Variants in OSBP observed in about 807,000 individuals in gnomAD.
OSBP encodes oxysterol binding protein, also known as oxysterol-binding protein 1.
Under a neutral mutation model 96.6 loss-of-function variants are expected in OSBP, and 32 were observed. The observed-to-expected ratio is 0.33, with a 90% CI of 0.25 to 0.45. The LOEUF is 0.45. Ranked by LOEUF, OSBP falls within the 20% of genes least tolerant of loss-of-function variation. OSBP has a pLI of 1.00. For missense variants in OSBP, 653 were observed against 1,029.7 expected (o/e 0.63, Z 5.01); for synonymous variants, 369 against 389.6 (o/e 0.95, Z 0.62).
Position 59,615,613 on chromosome 11 carries a change from C to A in OSBP, c.52G>T (p.Ala18Ser). The A allele has an allele frequency of 7.2e-7, 1 of 1,380,192 alleles. No homozygotes were observed. The highest frequency in any genetic ancestry group is 9.4e-7 in the Non-Finnish European group (1 of 1,065,350). The allele number at this position is 1,380,192 out of a possible 1,614,324, so 85.5% of individuals were successfully genotyped here. A position where few individuals can be genotyped will look rare whatever the true frequency, so the allele number is the denominator to read the frequency against. Residue 18 changes from alanine (A) to serine (S), a missense_variant, in exon 1 of 14, where the codon GCA becomes TCA. This residue lies in a region of OSBP where 151 missense variants were observed against 146.1 expected (regional missense o/e 1.03). Coordinates refer to ENST00000263847, the MANE Select transcript of OSBP (RefSeq NM_002556.3). ...CCGGCGCCGCCGCCGCCAAGTGCTG[C>A]AATGGCTGCCGGGCCTGGCCCCACC... ...GVVGPGPAAI[A>S]ALGGGGAGPP...
intron 1 of OSBP, among the ~76,000 whole-genome samples, chr11:59,613,276 T>G (rs1565122446): frequency 6.6e-6 from 1 of 152,190 alleles, no homozygotes; most frequent in Non-Finnish European, 1.5e-5. Flanking sequence ...AATATGTGGT[T>G]TGGTATGTTT....
rs1382203904 is a variant in OSBP, at chr11:59,608,659, C to T, written c.647G>A (p.Ser216Asn). The T allele has an allele frequency of 6.2e-7, 1 of 1,614,056 alleles. No homozygotes were observed. Among genetic ancestry groups the T allele is most frequent in the Non-Finnish European group, 8.5e-7 (1 of 1,179,904 alleles). Reference sequence around the variant, plus strand: ...GCACGTGCTCAAGTCCTCTACTTTGCTAGAGAGGGTCCGAAGGGTATTCTG... The same window carrying T: ...GCACGTGCTCAAGTCCTCTACTTTGTTAGAGAGGGTCCGAAGGGTATTCTG... ...ELQNTLRTLS[S>N]KVEDLSTCND... Residue 216 changes from serine (S) to asparagine (N), a missense_variant, in exon 3 of 14, where the codon AGC becomes AAC. By Grantham distance (46) the Ser-to-Asn change is conservative. Around this residue, in one of 6 missense-constraint regions of OSBP, gnomAD observed 308 missense variants for 573.1 expected, o/e 0.54. Transcript: ENST00000263847.
intron 3 of OSBP, among the ~76,000 whole-genome samples, chr11:59,605,544 G>C (rs918272754): frequency 1.3e-5 from 2 of 151,774 alleles, no homozygotes; most frequent in African/African-American, 4.8e-5. Context: ...ACCATGTCTG[G>C]CTAATTTTTT....
intron 6 of OSBP, 65 bp from the exon 7 acceptor site, chr11:59,600,692 C>A: frequency 6.3e-7 from 1 of 1,581,176 alleles, no homozygotes; most frequent in Non-Finnish European, 8.6e-7. Flanking sequence ...TTATAACCTT[C>A]CCTTCCCCCG....
intron 7 of OSBP, among the ~76,000 whole-genome samples, chr11:59,597,971 G>A (rs543812755): frequency 4.6e-5 from 7 of 152,006 alleles, no homozygotes; most frequent in East Asian, 1.9e-4. Context: ...CTCCCAAAGC[G>A]CTAGGATTAC....
At chr11:59,606,920 A>G (rs754074727) in intron 3 of OSBP, among the ~76,000 whole-genome samples, 1 of 152,228 alleles carries the variant, frequency 6.6e-6, no homozygotes, top group Non-Finnish European at 1.5e-5. Flanking sequence ...TAAAGAATGA[A>G]AACAGAACTC....
intron 10 of OSBP, 109 bp downstream of exon 10, chr11:59,581,342 A>C: frequency 1.9e-6 from 1 of 521,314 alleles, no homozygotes; most frequent in East Asian, 3.0e-5. Flanking sequence ...GAAACTGATG[A>C]ATCAGTAGCA....
intron 7 of OSBP, among the ~76,000 whole-genome samples, chr11:59,597,292 G>A (rs1184095396): frequency 6.6e-6 from 1 of 151,966 alleles, no homozygotes; most frequent in East Asian, 1.9e-4. Context: ...TGATCCGCCT[G>A]CCTCAGCCTC....
intron 3 of OSBP, 38 bp from the exon 4 acceptor site, chr11:59,601,876 G>A: frequency 1.9e-6 from 3 of 1,586,658 alleles, no homozygotes; most frequent in Non-Finnish European, 2.6e-6. Context: ...AGCTCAACTA[G>A]TCAGAGTTTC....
chr11:59,595,691 G>GGATTT (rs1860641026), intron 7 of OSBP, among the ~76,000 whole-genome samples: 1 of 151,884 alleles, frequency 6.6e-6, no homozygotes, highest in African/African-American at 2.4e-5. Flanking sequence ...TACAATCCTA[G>GGATTT]CACTTTGAGA....
chr11:59,588,049 C>T (rs1860523115), intron 9 of OSBP, among the ~76,000 whole-genome samples: 1 of 151,998 alleles, frequency 6.6e-6, no homozygotes, highest in South Asian at 2.1e-4. Context: ...TATTATTCAG[C>T]CTTAAAATGA....
At chr11:59,609,532 G>A (rs907557274) in intron 2 of OSBP, among the ~76,000 whole-genome samples, 1 of 150,048 alleles carries the variant, frequency 6.7e-6, no homozygotes, top group Non-Finnish European at 1.5e-5. Flanking sequence ...GCTAGACAGA[G>A]AGACGGGGCC....
At chr11:59,589,084 G>A (rs189127440) in intron 9 of OSBP, among the ~76,000 whole-genome samples, 23 of 150,446 alleles carry the variant, frequency 1.5e-4, no homozygotes, top group African/African-American at 4.6e-4. Flanking sequence ...ATAAGTCATA[G>A]AGGCCAGAAG....
At chr11:59,583,874 G>C (rs992778110) in intron 9 of OSBP, among the ~76,000 whole-genome samples, 2 of 148,716 alleles carry the variant, frequency 1.3e-5, no homozygotes, top group Non-Finnish European at 3.0e-5. Context: ...TACTGACCTC[G>C]TGATCTGCCC....
Position 59,615,519 on chromosome 11 carries a change from G to T in OSBP, c.146C>A (p.Thr49Lys), listed in dbSNP as rs1209939891. Residue 49 changes from threonine (T) to lysine (K), a missense_variant, in exon 1 of 14, where the codon ACG (threonine) becomes AAG (lysine). Around this residue, in one of 6 missense-constraint regions of OSBP, gnomAD observed 151 missense variants for 146.1 expected, o/e 1.03. Transcript: ENST00000263847. ...AGPGSGAASGTVVAAAAGGPG... is the reference protein window; with the variant it reads ...AGPGSGAASGKVVAAAAGGPG... The stretch of plus-strand genomic sequence containing the variant: ...GCCTCCCGCCGCCGCCGCGACCACC[G>T]TCCCTGACGCGGCCCCGGAGCCTGG... The T allele has an allele frequency of 1.6e-6, 2 of 1,261,996 alleles. No individual in the cohort carries two copies. The highest frequency in any genetic ancestry group is 3.7e-5 in the Admixed American group (1 of 27,238). 78.2% of individuals were successfully genotyped at this position (1,261,996 alleles called of 1,614,324 possible). A position where few individuals can be genotyped will look rare whatever the true frequency, so the allele number is the denominator to read the frequency against.
intron 9 of OSBP, among the ~76,000 whole-genome samples, chr11:59,584,771 A>G (rs1328953140): frequency 6.6e-6 from 1 of 152,184 alleles, no homozygotes; most frequent in African/African-American, 2.4e-5. Flanking sequence ...TATTCAACAT[A>G]GTACTGGAAG....
At chr11:59,595,944 A>AAACTAAATAAAT (rs750729536) in intron 7 of OSBP, among the ~76,000 whole-genome samples, 2 of 138,512 alleles carry the variant, frequency 1.4e-5, no homozygotes, top group Non-Finnish European at 3.1e-5. Context: ...ACTCTGTCTA[A>AAACTAAATAAAT]AAATAAATAA....
rs1178191601 is a variant in OSBP at position 59,601,668 on chromosome 11, G to A, written c.993C>T (p.Asn331=). ...AFRGATVLPA[N]TPGNVGSGKD... ...TACCAGAACCCACATTGCCAGGAGT[G>A]TTTGCCGGCAGCACCGTGGCTCCTC... Residue 331 remains asparagine (N), a synonymous_variant, in exon 4 of 14, where the codon AAC becomes AAT. Coordinates refer to ENST00000263847, the MANE Select transcript of OSBP (RefSeq NM_002556.3). 6.2e-7 allele frequency: 1 copy of A among 1,613,030 alleles called. No individual in the cohort carries two copies. The highest frequency in any genetic ancestry group is 1.7e-5 in the Admixed American group (1 of 60,028).
chr11:59,595,196 A>T (rs1399722260), intron 7 of OSBP: 1 of 152,720 alleles, frequency 6.5e-6, no homozygotes, highest in Non-Finnish European at 1.5e-5. Flanking sequence ...TGATTTTACT[A>T]TGTAAAAATT....
Sources: allele counts gnomAD v4.1 joint callset (sites outside exome capture counted in the v4.1 genomes callset), GRCh38; gene constraint gnomAD v4.1.1; regional missense constraint gnomAD v4.1.1; transcripts MANE v1.5; gene names NCBI Gene and HGNC (gene_info 2026-07-23, HGNC 2026-07-21).